The following AUTS2 variants were observed in gnomAD, a reference collection of about 807,000 sequenced individuals.
AUTS2 encodes the protein activator of transcription and developmental regulator AUTS2.
AUTS2 carries 17 observed loss-of-function variants against 112.4 expected under a neutral mutation model. That is an observed-to-expected ratio of 0.15 (90% confidence interval 0.10 to 0.23). The LOEUF is 0.23. AUTS2 is among the 10% of genes least tolerant of loss of function. The pLI, the probability that AUTS2 is intolerant of heterozygous loss-of-function variation, is 1.00. For synonymous variants in AUTS2, 751 were observed against 702.7 expected, an observed-to-expected ratio of 1.07 and a Z score of -1.09; for missense variants, 1,510 against 1,701.6, an observed-to-expected ratio of 0.89 and a Z score of 1.98.
intron 2 of AUTS2, among the ~76,000 whole-genome samples, chr7:70,014,996 C>A (rs967779172): frequency 1.3e-5 from 2 of 152,200 alleles, no homozygotes; most frequent in African/African-American, 4.8e-5. Context: ...AAATTATGAG[C>A]ATAATGTTTC....
chr7:69,785,635 G>A (rs554977968), intron 1 of AUTS2, among the ~76,000 whole-genome samples: 9 of 152,336 alleles, frequency 5.9e-5, no homozygotes, highest in African/African-American at 1.4e-4. Context: ...CCATTGGAAG[G>A]GTGGAATGGT....
Position 70,394,055 on chromosome 7 carries a change from G to C in AUTS2, c.661-41697G>C, listed in dbSNP as rs576765242. On this transcript the variant is annotated intron_variant, in intron 4 of 18. Transcript: ENST00000342771. ...TTGCCTGGTAGCTGTCTCCCTGAAG[G>C]TTTTACCAGTTGTTTTGGAAGGCTG... 5.3e-5 allele frequency among the ~76,000 whole-genome samples: 8 copies of C among 152,146 alleles called. No homozygotes were observed. In the East Asian group the frequency reaches 1.2e-3, roughly 22 times the overall value.
rs375687192 is a variant in AUTS2 at position 70,741,394 on chromosome 7, G to T, written c.743-21476G>T. 2.8e-4 allele frequency among the ~76,000 whole-genome samples: 43 copies of T among 151,988 alleles called. 1 individual carries two copies. The highest frequency in any genetic ancestry group is 9.2e-4 in the African/African-American group (38 of 41,516). On this transcript the variant is annotated intron_variant, in intron 6 of 18. Coordinates refer to ENST00000342771, the MANE Select transcript of AUTS2 (RefSeq NM_015570.4). ...TAACTTAGTTTTACACATGCTAAATGGTTAAGAAATAAATAGGCCGGGCGC... is the reference window on the plus strand; with the variant it reads ...TAACTTAGTTTTACACATGCTAAATTGTTAAGAAATAAATAGGCCGGGCGC...
chr7:70,064,597 G>A (rs1252109435), intron 2 of AUTS2, among the ~76,000 whole-genome samples: 1 of 152,166 alleles, frequency 6.6e-6, no homozygotes, highest in Non-Finnish European at 1.5e-5. Context: ...GGAGCTGCTT[G>A]GTGTTGGTCA....
At chr7:70,163,341 T>TGGGGGGGGGGGG (rs200344668) in intron 4 of AUTS2, among the ~76,000 whole-genome samples, 1 of 2,762 alleles carries the variant, frequency 3.6e-4, no homozygotes, top group African/African-American at 8.9e-4. Flanking sequence ...TAGGTTGTGG[T>TGGGGGGGGGGGG]GGTGGGGGGG....
At chr7:70,253,374 A>G (rs1390231080) in intron 4 of AUTS2, among the ~76,000 whole-genome samples, 1 of 152,190 alleles carries the variant, frequency 6.6e-6, no homozygotes. Context: ...GAGACATTAC[A>G]TATACTTAGC....
chr7:70,512,724 TGC>T (rs1799246458), intron 5 of AUTS2, among the ~76,000 whole-genome samples: 1 of 152,196 alleles, frequency 6.6e-6, no homozygotes, highest in South Asian at 2.1e-4. Context: ...TGGTTAGTTT[TGC>T]AGCTTTGTGA....
intron 4 of AUTS2, among the ~76,000 whole-genome samples, chr7:70,163,614 G>A (rs901302680): frequency 6.6e-5 from 10 of 152,188 alleles, no homozygotes; most frequent in Admixed American, 5.2e-4. Flanking sequence ...GGCAAACGTC[G>A]TTTGCAGTTG....
intron 2 of AUTS2, among the ~76,000 whole-genome samples, chr7:70,017,374 G>A (rs1800075907): frequency 6.6e-6 from 1 of 152,204 alleles, no homozygotes; most frequent in Non-Finnish European, 1.5e-5. Flanking sequence ...GTAAATTAGA[G>A]ATTTGTAGTT....
intron 1 of AUTS2, among the ~76,000 whole-genome samples, chr7:69,783,148 C>G (rs1322885558): frequency 7.4e-6 from 1 of 134,960 alleles, no homozygotes; most frequent in African/African-American, 2.8e-5. Flanking sequence ...GCCAAACGTG[C>G]TTTGACTTGA....
chr7:69,999,001 G>A (rs1355967710), intron 2 of AUTS2, among the ~76,000 whole-genome samples: 1 of 152,090 alleles, frequency 6.6e-6, no homozygotes, highest in African/African-American at 2.4e-5. Flanking sequence ...AGGTCTGAGT[G>A]CTATGTGATA....
At chr7:70,770,895 A>G (rs375819443) in intron 10 of AUTS2, among the ~76,000 whole-genome samples, 1 of 152,234 alleles carries the variant, frequency 6.6e-6, no homozygotes, top group South Asian at 2.1e-4. Context: ...TCCATCTTCT[A>G]GACAAATTGG....
intron 5 of AUTS2, among the ~76,000 whole-genome samples, chr7:70,661,496 C>T (rs1325712680): frequency 6.6e-6 from 1 of 152,192 alleles, no homozygotes; most frequent in Non-Finnish European, 1.5e-5. Flanking sequence ...GCTTTGGACT[C>T]AGATCTTGCT....
chr7:69,837,913 G>C (rs562764709), intron 1 of AUTS2, among the ~76,000 whole-genome samples: 10 of 152,146 alleles, frequency 6.6e-5, no homozygotes, highest in African/African-American at 2.4e-4. Flanking sequence ...TTTATGATGC[G>C]GATCTCTGTT....
chr7:70,593,461 C>T (rs1350160770), intron 5 of AUTS2, among the ~76,000 whole-genome samples: 1 of 152,168 alleles, frequency 6.6e-6, no homozygotes, highest in African/African-American at 2.4e-5. Context: ...TTGGTTTCCC[C>T]TCTCCTAGGC....
intron 1 of AUTS2, among the ~76,000 whole-genome samples, chr7:69,650,534 G>C (rs1795244903): frequency 6.6e-6 from 1 of 152,134 alleles, no homozygotes; most frequent in Non-Finnish European, 1.5e-5. Context: ...TTAGCCCCGT[G>C]GGTCCCTGCC....
chr7:69,952,785 AG>A (rs758787757), intron 2 of AUTS2, among the ~76,000 whole-genome samples: 106 of 152,338 alleles, frequency 7.0e-4, no homozygotes, highest in Admixed American at 2.3e-3. Context: ...TTTATACTTA[AG>A]CAAACATATT....
At chr7:70,193,060 G>T (rs1234871333) in intron 4 of AUTS2, among the ~76,000 whole-genome samples, 2 of 152,136 alleles carry the variant, frequency 1.3e-5, no homozygotes. Flanking sequence ...TCAACCAGTG[G>T]GATTCTTTTA....
intron 5 of AUTS2, among the ~76,000 whole-genome samples, chr7:70,458,444 A>T (rs1298650500): frequency 6.6e-6 from 1 of 152,208 alleles, no homozygotes; most frequent in African/African-American, 2.4e-5. Flanking sequence ...TCATGACCCC[A>T]GCCTCTTGTT....
Sources: allele counts gnomAD v4.1 joint callset (sites outside exome capture counted in the v4.1 genomes callset), GRCh38; gene constraint gnomAD v4.1.1; transcripts MANE v1.5; gene names NCBI Gene and HGNC (gene_info 2026-07-23, HGNC 2026-07-21).